ADAMTS3: variants seen among roughly 807,000 people sequenced by gnomAD.
The protein encoded by ADAMTS3 is ADAM metallopeptidase with thrombospondin type 1 motif 3, also known as A disintegrin and metalloproteinase with thrombospondin motifs 3.
ADAMTS3 carries 73 observed loss-of-function variants against 129.0 expected under a neutral mutation model. That is an observed-to-expected ratio of 0.57 (90% CI 0.47 to 0.69). The LOEUF (loss-of-function observed/expected upper bound fraction) is 0.69, where lower values mean the gene tolerates loss of function less well. Ranked by LOEUF, ADAMTS3 falls within the 30% of genes least tolerant of loss-of-function variation. The pLI is 0.00. For missense variants in ADAMTS3, 1,457 were observed against 1,514.5 expected, an observed-to-expected ratio of 0.96 and a Z score of 0.63; for synonymous variants, 477 against 510.8, an observed-to-expected ratio of 0.93 and a Z score of 0.89.
At chr4:72,350,254 G>A (rs1720398933) in intron 4 of ADAMTS3, among the ~76,000 whole-genome samples, 1 of 152,010 alleles carries the variant, frequency 6.6e-6, no homozygotes, top group South Asian at 2.1e-4. Flanking sequence ...ATAACTGTGT[G>A]CCTGTAATAT....
chr4:72,329,342 G>T (rs1341422625), intron 5 of ADAMTS3, among the ~76,000 whole-genome samples: 3 of 152,134 alleles, frequency 2.0e-5, no homozygotes, highest in Non-Finnish European at 4.4e-5. Context: ...GGAGAACCAT[G>T]GACAGGAAGG....
At chr4:72,360,305 C>T (rs1368476503) in intron 4 of ADAMTS3, among the ~76,000 whole-genome samples, 4 of 151,990 alleles carry the variant, frequency 2.6e-5, no homozygotes, top group African/African-American at 9.7e-5. Flanking sequence ...CGAGCAATGT[C>T]ACAGTCTACT....
At chr4:72,301,325 C>T (rs1718944895) in intron 17 of ADAMTS3, among the ~76,000 whole-genome samples, 1 of 151,950 alleles carries the variant, frequency 6.6e-6, no homozygotes, top group African/African-American at 2.4e-5. Context: ...ATGAAAGAAA[C>T]TACTAAAAGA....
At chr4:72,391,180 G>A (rs1246409836) in intron 4 of ADAMTS3, among the ~76,000 whole-genome samples, 2 of 152,116 alleles carry the variant, frequency 1.3e-5, no homozygotes, top group South Asian at 2.1e-4. Context: ...AAGAATAAAG[G>A]GTAGTTAGAG....
chr4:72,517,794 G>A (rs1243381060), intron 3 of ADAMTS3, among the ~76,000 whole-genome samples: 3 of 151,594 alleles, frequency 2.0e-5, no homozygotes, highest in Non-Finnish European at 4.4e-5. Flanking sequence ...CCAGCTCCTG[G>A]ATTCATTGAT....
rs1719490101 is a variant in ADAMTS3 at position 72,319,346 on chromosome 4, C to G, written c.1338G>C (p.Leu446=). The change falls in exon 9 of 22, where the codon CTG becomes CTC. Residue 446 remains leucine (L), a synonymous_variant. Coordinates refer to ENST00000286657, the MANE Select transcript of ADAMTS3 (RefSeq NM_014243.3). ...YHWSRCSGQE[L]KRYIHSYDCL... is the part of the protein sequence containing the mutation. The stretch of plus-strand genomic sequence containing the variant: ...AGGGGACATACTGGATATATCTTTT[C>G]AGTTCTTGACCACTGCATCGGGACC... The G allele has an allele frequency of 6.2e-7, 1 of 1,613,838 alleles. No individual in the cohort carries two copies. Among genetic ancestry groups the G allele is most frequent in the Admixed American group, 1.7e-5 (1 of 59,992 alleles).
At chr4:72,536,442 G>T (rs1033002931) in intron 3 of ADAMTS3, among the ~76,000 whole-genome samples, 5 of 152,108 alleles carry the variant, frequency 3.3e-5, no homozygotes, top group African/African-American at 1.2e-4. Context: ...ATTTTATTTT[G>T]CAAACTTAAC....
intron 18 of ADAMTS3, 199 bp downstream of exon 18, chr4:72,298,078 G>T: frequency 2.1e-6 from 1 of 468,306 alleles, no homozygotes; most frequent in Non-Finnish European, 3.8e-6. Context: ...AGGATTTTAA[G>T]GTCTGTCACT....
chr4:72,452,398 C>A (rs1718430285), intron 3 of ADAMTS3, among the ~76,000 whole-genome samples: 1 of 151,474 alleles, frequency 6.6e-6, no homozygotes, highest in African/African-American at 2.4e-5. Context: ...AGATCTTTTT[C>A]TTTCTTATAA....
intron 5 of ADAMTS3, among the ~76,000 whole-genome samples, chr4:72,330,010 G>C (rs896747886): frequency 3.9e-5 from 6 of 151,936 alleles, no homozygotes; most frequent in Non-Finnish European, 8.8e-5. Flanking sequence ...GAATTCCAAA[G>C]TTTGGTTTTT....
At chr4:72,305,712 G>A (rs1175024005) in intron 16 of ADAMTS3, among the ~76,000 whole-genome samples, 1 of 151,728 alleles carries the variant, frequency 6.6e-6, no homozygotes, top group African/African-American at 2.4e-5. Flanking sequence ...ATATTATTTT[G>A]ATTCTTACAT....
At chr4:72,357,469 T>G (rs766754897) in intron 4 of ADAMTS3, among the ~76,000 whole-genome samples, 3 of 151,844 alleles carry the variant, frequency 2.0e-5, no homozygotes, top group Non-Finnish European at 4.4e-5. Flanking sequence ...CATGCAACAA[T>G]ATGGGCACAG....
chr4:72,500,274 A>G (rs1719977680), intron 3 of ADAMTS3, among the ~76,000 whole-genome samples: 1 of 152,020 alleles, frequency 6.6e-6, no homozygotes, highest in African/African-American at 2.4e-5. Flanking sequence ...TGCAGCCTTG[A>G]CAGCATCTGT....
At chr4:72,546,688 C>T (rs1721475777) in intron 3 of ADAMTS3, among the ~76,000 whole-genome samples, 1 of 152,064 alleles carries the variant, frequency 6.6e-6, no homozygotes, top group African/African-American at 2.4e-5. Context: ...AGCCTACTAA[C>T]CAAAAAAACC....
rs771591383 is a variant in ADAMTS3 at position 72,309,389 on chromosome 4, C to G, written c.2179+8G>C. 6.2e-7 allele frequency: 1 copy of G among 1,611,152 alleles called. No individual in the cohort carries two copies. The highest frequency in any genetic ancestry group is 1.1e-5 in the South Asian group (1 of 90,954). On this transcript the variant is annotated splice_region_variant and intron_variant, in intron 15 of 21. Transcript: ENST00000286657. The stretch of plus-strand genomic sequence containing the variant: ...AGAATACTAAATCCATGAGAGACCT[C>G]ATCTTACCAAGCTTCCTGGGAGTTC...
intron 4 of ADAMTS3, among the ~76,000 whole-genome samples, chr4:72,400,901 T>C (rs1721896573): frequency 6.7e-6 from 1 of 149,866 alleles, no homozygotes; most frequent in Admixed American, 6.6e-5. Flanking sequence ...ATATTGGACA[T>C]ACATATATTG....
intron 3 of ADAMTS3, among the ~76,000 whole-genome samples, chr4:72,494,498 T>C (rs879056572): frequency 5.3e-5 from 8 of 152,210 alleles, no homozygotes; most frequent in Admixed American, 5.2e-4. Context: ...TTAAGTTTTC[T>C]ATCTGTGTTC....
chr4:72,299,819 C>T (rs1426267425), intron 17 of ADAMTS3, among the ~76,000 whole-genome samples: 1 of 152,064 alleles, frequency 6.6e-6, no homozygotes, highest in Non-Finnish European at 1.5e-5. Context: ...CACATTTTTT[C>T]TCTCCTAATC....
chr4:72,482,029 TG>T lies in ADAMTS3; in HGVS notation c.504+66448del, dbSNP rs547872492. Among the ~76,000 whole-genome samples, 603 of 152,216 alleles carry T rather than the reference TG, an allele frequency of 4.0e-3. 1 individual carries two copies. The highest frequency in any genetic ancestry group is 6.8e-3 in the Non-Finnish European group (464 of 67,946). ...AATGCTGGTAAGAATGTGAAGAAAC[TG>T]GAACATTCATACGTTGCTGGTGGGA... is the stretch of plus-strand genomic sequence containing the variant. On this transcript the variant is annotated intron_variant, in intron 3 of 21. Coordinates refer to ENST00000286657, the MANE Select transcript of ADAMTS3 (RefSeq NM_014243.3).
Sources: gnomAD v4.1 joint callset for allele counts (sites outside exome capture counted in the v4.1 genomes callset) on GRCh38, gnomAD v4.1.1 for gene constraint, MANE v1.5 for transcripts, NCBI Gene and HGNC (gene_info 2026-07-23, HGNC 2026-07-21) for gene names.